CACNG4: variants seen among roughly 807,000 people sequenced by gnomAD.
CACNG4 encodes calcium voltage-gated channel auxiliary subunit gamma 4, also known as voltage-dependent calcium channel gamma-4 subunit.
A neutral mutation model predicts 22.9 loss-of-function variants in CACNG4; 8 were observed. The ratio of observed to expected loss-of-function variants is 0.35; its 90% confidence interval spans 0.21 to 0.63. The LOEUF is 0.63. Ranked by LOEUF, CACNG4 falls within the 30% of genes least tolerant of loss-of-function variation. CACNG4 has a pLI of 0.72. For missense variants in CACNG4, 357 were observed against 455.4 expected (o/e 0.78, Z 1.97); for synonymous variants, 188 against 191.9 (o/e 0.98, Z 0.17).
chr17:67,025,826 T>C (rs1211546510), intron 3 of CACNG4, among the ~76,000 whole-genome samples: 1 of 152,250 alleles, frequency 6.6e-6, no homozygotes, highest in Non-Finnish European at 1.5e-5. Flanking sequence ...GTTCACATCC[T>C]GGGACCCGCA....
chr17:66,992,153 A>G (rs1567753264), intron 1 of CACNG4, among the ~76,000 whole-genome samples: 1 of 96,594 alleles, frequency 1.0e-5, no homozygotes. Context: ...TTGCTCCGCC[A>G]AGCTCCTGGG....
chr17:66,981,444 A>G (rs180754708), intron 1 of CACNG4, among the ~76,000 whole-genome samples: 40 of 151,986 alleles, frequency 2.6e-4, no homozygotes, highest in Non-Finnish European at 4.7e-4. Flanking sequence ...TCTTTGGTCT[A>G]CCCATCTCTG....
chr17:67,007,434 C>T (rs1333756051), intron 1 of CACNG4, among the ~76,000 whole-genome samples: 10 of 152,176 alleles, frequency 6.6e-5, no homozygotes, highest in Admixed American at 6.5e-4. Flanking sequence ...AAACCATATA[C>T]TCACACTCAT....
Position 67,033,274 on chromosome 17 carries a change from G to A in CACNG4, c.*2270G>A, listed in dbSNP as rs1346495362. 6 of 137,690 alleles carry A rather than the reference G, an allele frequency of 4.4e-5. No individual in the cohort carries two copies. Among genetic ancestry groups the A allele is most frequent in the South Asian group, 2.6e-4 (1 of 3,816 alleles). The allele number at this position is 137,690 out of a possible 1,614,324, so 8.5% of individuals were successfully genotyped here. A position where few individuals can be genotyped will look rare whatever the true frequency, so the allele number is the denominator to read the frequency against. ...GTGCCCACCTTCTCTCCCTCCTCCC[G>A]ACCCGCCCCCTCGCCCCCACCCCTG... is the stretch of plus-strand genomic sequence containing the variant. On this transcript the variant is annotated 3_prime_UTR_variant, in exon 4 of 4. Coordinates refer to ENST00000262138, the MANE Select transcript of CACNG4 (RefSeq NM_014405.4).
intron 1 of CACNG4, among the ~76,000 whole-genome samples, chr17:66,994,735 G>T (rs1317411678): frequency 6.6e-6 from 1 of 152,210 alleles, no homozygotes; most frequent in Non-Finnish European, 1.5e-5. Flanking sequence ...TTTTCAGGAG[G>T]ATTCACTGAT....
intron 1 of CACNG4, among the ~76,000 whole-genome samples, chr17:66,983,309 AAC>A (rs1253846778): frequency 2.0e-5 from 3 of 152,186 alleles, no homozygotes; most frequent in Admixed American, 6.5e-5. Context: ...CCATGCTAAA[AAC>A]AGTCACATGC....
intron 1 of CACNG4, among the ~76,000 whole-genome samples, chr17:66,975,947 C>T (rs2035233193): frequency 1.3e-5 from 2 of 152,218 alleles, no homozygotes; most frequent in Admixed American, 6.5e-5. Context: ...TAGCCTGGCC[C>T]CAAGGAGGCA....
intron 1 of CACNG4, among the ~76,000 whole-genome samples, chr17:66,969,812 G>A (rs552239604): frequency 2.6e-4 from 40 of 152,314 alleles, no homozygotes; most frequent in African/African-American, 8.7e-4. Flanking sequence ...GGACCATTCA[G>A]AGAGGTTTCA....
intron 1 of CACNG4, among the ~76,000 whole-genome samples, chr17:67,008,324 A>C (rs2143338077): frequency 6.6e-6 from 1 of 152,324 alleles, no homozygotes; most frequent in South Asian, 2.1e-4. Context: ...TGAAGCTGGA[A>C]AGAGGCCAGC....
At chr17:66,969,541 G>A (rs898977233) in intron 1 of CACNG4, among the ~76,000 whole-genome samples, 15 of 152,152 alleles carry the variant, frequency 9.9e-5, no homozygotes, top group African/African-American at 3.1e-4. Flanking sequence ...TCATGTTCAC[G>A]TGTCTCACCT....
At chr17:66,972,652 G>C (rs1215678657) in intron 1 of CACNG4, among the ~76,000 whole-genome samples, 1 of 81,286 alleles carries the variant, frequency 1.2e-5, no homozygotes, top group Non-Finnish European at 2.6e-5. Context: ...GGGGCCTGGC[G>C]CGGTGACTCA....
intron 2 of CACNG4, among the ~76,000 whole-genome samples, chr17:67,019,688 C>T (rs1398842277): frequency 6.6e-6 from 1 of 152,186 alleles, no homozygotes; most frequent in East Asian, 1.9e-4. Context: ...CATGGCCCAA[C>T]CCTGGGACTG....
intron 1 of CACNG4, among the ~76,000 whole-genome samples, chr17:67,002,188 G>A (rs1039778442): frequency 5.3e-5 from 8 of 152,174 alleles, no homozygotes; most frequent in Admixed American, 2.6e-4. Flanking sequence ...AGGAACAAAG[G>A]CACGTCTTAC....
chr17:66,984,688 CCA>C lies in CACNG4; in HGVS notation c.220+19559_220+19560del, dbSNP rs1287987073. On this transcript the variant is annotated intron_variant, in intron 1 of 3. Coordinates refer to ENST00000262138, the MANE Select transcript of CACNG4 (RefSeq NM_014405.4). The surrounding 1 kb of genome is among the most constrained non-coding windows in gnomAD (Gnocchi z 4.0). ...GAGCTGTTCAGAATGACATGACCTC[CCA>C]CTTGTTCCTGCCTCGCCATCTGCTT... Among the ~76,000 whole-genome samples the C allele has an allele frequency of 2.0e-5, 3 of 152,136 alleles. No individual in the cohort carries two copies. The highest frequency in any genetic ancestry group is 2.9e-5 in the Non-Finnish European group (2 of 68,028).
intron 1 of CACNG4, among the ~76,000 whole-genome samples, chr17:67,009,381 G>A (rs1009860447): frequency 1.1e-4 from 17 of 152,106 alleles, no homozygotes; most frequent in Middle Eastern, 3.2e-3. Flanking sequence ...CTGAAACCAC[G>A]TCCAAGGATA....
chr17:67,007,321 C>A (rs1479578287), intron 1 of CACNG4, among the ~76,000 whole-genome samples: 1 of 152,230 alleles, frequency 6.6e-6, no homozygotes, highest in Non-Finnish European at 1.5e-5. Flanking sequence ...CCCAAAGAAA[C>A]TTCCCAGGAT....
At chr17:67,028,258 G>C (rs2035579979) in intron 3 of CACNG4, among the ~76,000 whole-genome samples, 1 of 151,894 alleles carries the variant, frequency 6.6e-6, no homozygotes, top group South Asian at 2.1e-4. Context: ...AGCACTTTAT[G>C]ATAAAACGCA....
intron 1 of CACNG4, among the ~76,000 whole-genome samples, chr17:67,015,216 C>T (rs961162802): frequency 2.6e-5 from 4 of 152,216 alleles, no homozygotes; most frequent in Admixed American, 6.5e-5. Context: ...ACTACCGATA[C>T]GCATGACAGC....
intron 1 of CACNG4, among the ~76,000 whole-genome samples, chr17:67,001,034 C>A (rs1401915834): frequency 6.6e-6 from 1 of 151,896 alleles, no homozygotes; most frequent in Non-Finnish European, 1.5e-5. Flanking sequence ...TGGGAGGGAC[C>A]TGGGGGGAGG....
Sources: gnomAD v4.1 joint callset for allele counts (sites outside exome capture counted in the v4.1 genomes callset) on GRCh38, gnomAD v4.1.1 for gene constraint, Gnocchi (gnomAD v3.1) non-coding constraint, MANE v1.5 for transcripts, NCBI Gene and HGNC (gene_info 2026-07-23, HGNC 2026-07-21) for gene names.